SHQ1: variants seen among roughly 807,000 people sequenced by gnomAD.
The protein encoded by SHQ1 is protein SHQ1 homolog.
A neutral mutation model predicts 53.8 loss-of-function variants in SHQ1; 49 were observed. The ratio of observed to expected loss-of-function variants is 0.91; its 90% CI spans 0.72 to 1.16. The LOEUF (loss-of-function observed/expected upper bound fraction) is 1.16, where lower values mean the gene tolerates loss of function less well. SHQ1 is among the 50% of genes most tolerant of loss of function. The pLI is 0.00. For synonymous variants in SHQ1, 243 were observed against 251.0 expected (o/e 0.97, Z 0.30); for missense variants, 738 against 683.1 (o/e 1.08, Z -0.90).
rs543244591 is a variant in SHQ1, at chr3:72,793,230, A to T, written c.1061-194T>A. The T allele has an allele frequency of 6.0e-5, 27 of 452,496 alleles. No homozygotes were observed. The Admixed American group carries it at 6.7e-4, about 11-fold the overall frequency. 28.0% of individuals were successfully genotyped at this position (452,496 alleles called of 1,614,324 possible). ...TAAGAATTACATACAATCTTTGGCCAGGCACAGTGGCTCACACCTGTAATT... is the reference window on the plus strand; with the variant it reads ...TAAGAATTACATACAATCTTTGGCCTGGCACAGTGGCTCACACCTGTAATT... On this transcript the variant is annotated intron_variant, in intron 9 of 10. Transcript: ENST00000325599.
intron 6 of SHQ1, among the ~76,000 whole-genome samples, chr3:72,819,858 T>C (rs1234109993): frequency 6.6e-6 from 1 of 152,196 alleles, no homozygotes. Flanking sequence ...CAATTTGATT[T>C]AAGGAAATGG....
chr3:72,826,746 G>A (rs1158132683), intron 5 of SHQ1, among the ~76,000 whole-genome samples: 1 of 152,200 alleles, frequency 6.6e-6, no homozygotes, highest in Non-Finnish European at 1.5e-5. Flanking sequence ...AGAGTATTCT[G>A]TAATGAAAAA....
chr3:72,830,558 T>C (rs1355955834), intron 5 of SHQ1, among the ~76,000 whole-genome samples: 4 of 152,148 alleles, frequency 2.6e-5, no homozygotes, highest in Admixed American at 1.3e-4. Flanking sequence ...AAAAGAATTT[T>C]AGTTGCATTT....
At chr3:72,738,112 C>T in the SHQ1 span, among the ~76,000 whole-genome samples, 7 of 152,318 alleles carry the variant, frequency 4.6e-5, no homozygotes, top group East Asian at 1.4e-3. Context: ...TAACGTCCCT[C>T]TGCTCATCCA....
chr3:72,756,564 C>G, intron 10 of SHQ1, among the ~76,000 whole-genome samples: 1 of 152,208 alleles, frequency 6.6e-6, no homozygotes, highest in Non-Finnish European at 1.5e-5. Flanking sequence ...CAGGAGTAAG[C>G]CACCATGCCT....
intron 9 of SHQ1, among the ~76,000 whole-genome samples, chr3:72,804,280 T>C (rs557192616): frequency 3.3e-5 from 5 of 152,100 alleles, no homozygotes; most frequent in African/African-American, 1.2e-4. Flanking sequence ...TAAACACTTA[T>C]ATTTTGTTTT....
chr3:72,768,482 C>T (rs1440056846), intron 10 of SHQ1, among the ~76,000 whole-genome samples: 5 of 152,188 alleles, frequency 3.3e-5, no homozygotes, highest in Non-Finnish European at 5.9e-5. Flanking sequence ...GAAAGCAACT[C>T]GGTTTTACAG....
chr3:72,776,009 G>A (rs1705951895), intron 10 of SHQ1, among the ~76,000 whole-genome samples: 3 of 152,128 alleles, frequency 2.0e-5, no homozygotes, highest in Admixed American at 1.3e-4. Context: ...GGATTGTACT[G>A]AAGGGCCTAG....
intron 10 of SHQ1, among the ~76,000 whole-genome samples, chr3:72,754,949 A>G (rs1705468779): frequency 6.6e-6 from 1 of 152,146 alleles, no homozygotes; most frequent in South Asian, 2.1e-4. Flanking sequence ...TATTATTTGG[A>G]TCTTTGTTAT....
At chr3:72,748,012 C>A (rs1302993942), downstream of SHQ1, among the ~76,000 whole-genome samples, 1 of 151,276 alleles carries the variant, frequency 6.6e-6, no homozygotes, top group Non-Finnish European at 1.5e-5. Context: ...CACACACTCA[C>A]ATTAGAGAGA....
intron 9 of SHQ1, 134 bp from the exon 10 acceptor site, chr3:72,793,170 G>T: frequency 2.8e-6 from 2 of 704,956 alleles, no homozygotes; most frequent in Non-Finnish European, 2.3e-6. Context: ...AAATTTATGA[G>T]TCCTATTAGG....
At chr3:72,758,741 T>G (rs1004897977) in intron 10 of SHQ1, among the ~76,000 whole-genome samples, 17 of 151,914 alleles carry the variant, frequency 1.1e-4, no homozygotes, top group African/African-American at 4.1e-4. Flanking sequence ...GGCTAATTTT[T>G]GTATTTTGGT....
At chr3:72,757,154 C>A (rs77170374) in intron 10 of SHQ1, among the ~76,000 whole-genome samples, 2,133 of 152,256 alleles carry the variant, frequency 0.014, 22 homozygotes, top group Non-Finnish European at 0.023. Flanking sequence ...TCAGAGTAAC[C>A]GACTAGGTTT....
chr3:72,812,711 C>G lies in SHQ1; in HGVS notation c.1020G>C (p.Val340=), dbSNP rs191153577. ...CYPLYRHFKL[V]MKAYRDTIKI... Reference sequence around the variant, plus strand: ...TTATAGTGTCCCTGTAGGCCTTCATCACCAGCTTGAAATGGCGATAGAGTG... The same window carrying G: ...TTATAGTGTCCCTGTAGGCCTTCATGACCAGCTTGAAATGGCGATAGAGTG... Residue 340 remains valine, a synonymous_variant, in exon 9 of 11, where the codon GTG becomes GTC. Transcript: ENST00000325599. 1.1e-5 allele frequency: 17 copies of G among 1,614,100 alleles called. No homozygotes were observed. In the African/African-American group the frequency reaches 2.3e-4, roughly 22 times the overall value.
Position 72,750,666 on chromosome 3 carries a change from C to A in SHQ1, c.1352G>T (p.Ser451Ile). The A allele has an allele frequency of 3.7e-6, 6 of 1,612,154 alleles. No homozygotes were observed. Among genetic ancestry groups the A allele is most frequent in the Non-Finnish European group, 5.1e-6 (6 of 1,178,938 alleles). Residue 451 changes from serine to isoleucine, a missense_variant, in exon 11 of 11, where the codon AGC becomes ATC. Physicochemically the swap from Ser to Ile is moderately radical, Grantham distance 142. Coordinates refer to ENST00000325599, the MANE Select transcript of SHQ1 (RefSeq NM_018130.3). ...GTCCTCCGAATCACTTGCCTCAGAG[C>A]TGGAGCAAAGTGTCTGCTGCCCAGA... The part of the protein sequence containing the change: ...SVSGQQTLCS[S>I]SEASDSEDSD...
intron 1 of SHQ1, among the ~76,000 whole-genome samples, chr3:72,845,215 G>A (rs1242485673): frequency 2.6e-5 from 4 of 152,190 alleles, no homozygotes; most frequent in African/African-American, 9.7e-5. Context: ...TGGGCGTGGT[G>A]GCTTACGCCT....
At chr3:72,741,926 C>T in the SHQ1 span, among the ~76,000 whole-genome samples, 3 of 150,636 alleles carry the variant, frequency 2.0e-5, no homozygotes, top group East Asian at 5.8e-4. Flanking sequence ...TTAAAGCATA[C>T]AAGAGAATGG....
At chr3:72,796,774 C>A (rs917599330) in intron 9 of SHQ1, among the ~76,000 whole-genome samples, 13 of 151,866 alleles carry the variant, frequency 8.6e-5, no homozygotes, top group African/African-American at 3.1e-4. Context: ...GAGCAGAGAT[C>A]ACACCACTGC....
At chr3:72,800,455 T>C (rs1332389708) in intron 9 of SHQ1, among the ~76,000 whole-genome samples, 5 of 152,214 alleles carry the variant, frequency 3.3e-5, no homozygotes, top group Admixed American at 3.3e-4. Context: ...TATGAAGCAG[T>C]TGGCCAAGAT....
Sources: allele counts gnomAD v4.1 joint callset (sites outside exome capture counted in the v4.1 genomes callset), GRCh38; gene constraint gnomAD v4.1.1; transcripts MANE v1.5; gene names NCBI Gene and HGNC (gene_info 2026-07-23, HGNC 2026-07-21).